NINL: variants seen among roughly 807,000 people sequenced by gnomAD.
The protein encoded by NINL is ninein like, also known as ninein-like protein.
In NINL, 153 loss-of-function variants were observed where a neutral mutation model predicts 160.3. That is an observed-to-expected ratio of 0.95 (90% CI 0.84 to 1.09). The LOEUF (loss-of-function observed/expected upper bound fraction) is 1.09, where lower values mean the gene tolerates loss of function less well. Among genes scored for constraint, NINL ranks in the 50% least tolerant of loss-of-function variants. The pLI, the probability that NINL is intolerant of heterozygous loss-of-function variation, is 0.00. For missense variants in NINL, 1,829 were observed against 1,764.0 expected, an observed-to-expected ratio of 1.04 and a Z score of -0.66; for synonymous variants, 800 against 734.8, an observed-to-expected ratio of 1.09 and a Z score of -1.43.
At chr20:25,562,943 A>G (rs1438614909) in intron 1 of NINL, among the ~76,000 whole-genome samples, 1 of 152,178 alleles carries the variant, frequency 6.6e-6, no homozygotes, top group Non-Finnish European at 1.5e-5. Context: ...TAAGGCGGGC[A>G]GATCACGAGG....
chr20:25,580,196 T>G (rs1353785466), intron 1 of NINL, among the ~76,000 whole-genome samples: 1 of 151,946 alleles, frequency 6.6e-6, no homozygotes, highest in East Asian at 1.9e-4. Flanking sequence ...TAGTTGGGCG[T>G]GGAGGTGGAC....
chr20:25,526,784 G>A (rs770392835), intron 1 of NINL, among the ~76,000 whole-genome samples, 186 bp from the exon 2 acceptor site: 3 of 152,224 alleles, frequency 2.0e-5, no homozygotes, highest in Non-Finnish European at 2.9e-5. Context: ...ACCCTTGCAG[G>A]AGAGGCCAGA....
At chr20:25,513,081 CT>C in intron 3 of NINL, 75 bp from the exon 4 acceptor site, 1 of 1,466,636 alleles carries the variant, frequency 6.8e-7, no homozygotes. Context: ...CAGGTACCCT[CT>C]GAGAAGGTGC....
At chr20:25,480,292 T>C in intron 14 of NINL, 25 bp from the exon 15 acceptor site, 1 of 1,598,840 alleles carries the variant, frequency 6.3e-7, no homozygotes, top group South Asian at 1.1e-5. Context: ...CCACTTCCGT[T>C]TGTCACACTG....
intron 6 of NINL, among the ~76,000 whole-genome samples, chr20:25,504,367 C>T (rs943560391): frequency 1.3e-5 from 2 of 152,208 alleles, no homozygotes; most frequent in South Asian, 4.1e-4. Context: ...TCTACAAATG[C>T]TTATTCAGTG....
At chr20:25,485,356 G>A (rs1325802877) in intron 13 of NINL, among the ~76,000 whole-genome samples, 1 of 152,214 alleles carries the variant, frequency 6.6e-6, no homozygotes, top group Non-Finnish European at 1.5e-5. Context: ...TCAATTTGAA[G>A]CCTATCAAAG....
intron 1 of NINL, among the ~76,000 whole-genome samples, chr20:25,537,818 G>A (rs2064586613): frequency 6.6e-6 from 1 of 152,154 alleles, no homozygotes; most frequent in Admixed American, 6.5e-5. Flanking sequence ...TCAGGCCCAT[G>A]GTGGCACCAC....
At chr20:25,553,316 A>G (rs1423177954) in intron 1 of NINL, among the ~76,000 whole-genome samples, 1 of 151,978 alleles carries the variant, frequency 6.6e-6, no homozygotes, top group African/African-American at 2.4e-5. Flanking sequence ...AAAAAACCGA[A>G]AACAAAAACA....
In NINL at chr20:25,478,822, G is replaced by T. The variant is rs529917109; in HGVS notation, c.2201+101C>A. 199 of 1,376,870 alleles carry T rather than the reference G, an allele frequency of 1.4e-4. 1 individual carries two copies. In the South Asian group the frequency reaches 2.7e-3, roughly 19 times the overall value. 85.3% of individuals were successfully genotyped at this position (1,376,870 alleles called of 1,614,324 possible). ...CTGCCCAGAGGAAAACCACCCAGTC[G>T]GGAGGCACAGCAATTCTGAGTTGTT... On this transcript the variant is annotated intron_variant, in intron 16 of 23. Transcript: ENST00000278886.
chr20:25,563,414 A>G (rs1294908299), intron 1 of NINL, among the ~76,000 whole-genome samples: 1 of 152,236 alleles, frequency 6.6e-6, no homozygotes, highest in Non-Finnish European at 1.5e-5. Context: ...ACCTATACAA[A>G]GATATATAGT....
At chr20:25,529,394 C>T (rs79060758) in intron 1 of NINL, among the ~76,000 whole-genome samples, 2,616 of 152,282 alleles carry the variant, frequency 0.017, 38 homozygotes, top group Middle Eastern at 0.051. Flanking sequence ...AGTATCTACA[C>T]TGAGAATGAA....
chr20:25,507,372 C>T (rs970682040), intron 5 of NINL, among the ~76,000 whole-genome samples: 1 of 152,088 alleles, frequency 6.6e-6, no homozygotes, highest in African/African-American at 2.4e-5. Flanking sequence ...CCTTTGTCTT[C>T]AGCCGCTTAT....
At chr20:25,496,000 T>C (rs1288720826) in intron 10 of NINL, among the ~76,000 whole-genome samples, 1 of 151,992 alleles carries the variant, frequency 6.6e-6, no homozygotes, top group Non-Finnish European at 1.5e-5. Flanking sequence ...AAAAATTAGC[T>C]GGGTGTGGTG....
At chr20:25,505,731 T>C (rs1366282133) in intron 5 of NINL, among the ~76,000 whole-genome samples, 1 of 152,124 alleles carries the variant, frequency 6.6e-6, no homozygotes, top group African/African-American at 2.4e-5. Context: ...GAGGGCTGGA[T>C]GGATGGACAG....
chr20:25,565,007 T>C (rs2064984413), intron 1 of NINL, among the ~76,000 whole-genome samples: 1 of 151,920 alleles, frequency 6.6e-6, no homozygotes, highest in Non-Finnish European at 1.5e-5. Context: ...TATAGACAAG[T>C]ATAAGAGAAA....
rs751903675 is a variant in NINL, at chr20:25,476,650, G to A, written c.2641C>T (p.Gln881Ter). 6 of 1,588,206 alleles carry A rather than the reference G, an allele frequency of 3.8e-6. No individual in the cohort carries two copies. In the East Asian group the frequency reaches 1.3e-4, roughly 36 times the overall value. ...TGCGTAGCTTCTGTGTCCTGGGCTT[G>A]CCTGCGGCGAGGCCCGGCTCCTGCC... ...EAAGAGPRRR[Q>*]AQDTEATQSP... Residue 881 changes from glutamine to a stop codon, truncating the protein, a stop_gained, in exon 17 of 24, where the codon CAA becomes TAA. Coordinates refer to ENST00000278886, the MANE Select transcript of NINL (RefSeq NM_025176.6). LOFTEE classifies it high-confidence loss of function.
intron 3 of NINL, 111 bp from the exon 4 acceptor site, chr20:25,513,117 C>CAA: frequency 9.8e-7 from 1 of 1,022,424 alleles, no homozygotes; most frequent in East Asian, 2.4e-5. Flanking sequence ...GTGTGCCCCT[C>CAA]AAACACGTAC....
chr20:25,500,853 C>G lies in NINL; in HGVS notation c.1019G>C (p.Arg340Thr), dbSNP rs2063853140. Residue 340 changes from arginine to threonine, a missense_variant, in exon 8 of 24, where the codon AGG becomes ACG. Physicochemically the swap from Arg to Thr is moderately conservative, Grantham distance 71. Coordinates refer to ENST00000278886, the MANE Select transcript of NINL (RefSeq NM_025176.6). ...MWTQEGIQNG[R>T]EILQSLDFSV... ...CCAGTTCCAAACCTGCAAGATCTCC[C>G]TGCCATTCTGAATCCCCTCCTGGGT... The G allele has an allele frequency of 6.2e-7, 1 of 1,613,888 alleles. No individual in the cohort carries two copies. Among genetic ancestry groups the G allele is most frequent in the African/African-American group, 1.3e-5 (1 of 75,054 alleles).
intron 19 of NINL, among the ~76,000 whole-genome samples, chr20:25,464,679 A>G (rs2062869763): frequency 6.6e-6 from 1 of 152,132 alleles, no homozygotes; most frequent in African/African-American, 2.4e-5. Context: ...CTGCTTCAGG[A>G]CAGTGGCCTT....
Sources: allele counts gnomAD v4.1 joint callset (sites outside exome capture counted in the v4.1 genomes callset), GRCh38; gene constraint gnomAD v4.1.1; transcripts MANE v1.5; gene names NCBI Gene and HGNC (gene_info 2026-07-23, HGNC 2026-07-21).